The following PLA2G6 variants were observed in gnomAD, a reference collection of about 807,000 sequenced individuals.
PLA2G6 encodes 85/88 kDa calcium-independent phospholipase A2.
Under a neutral mutation model 83.8 loss-of-function variants are expected in PLA2G6, and 62 were observed. The observed-to-expected ratio is 0.74, with a 90% CI of 0.60 to 0.91. The LOEUF (loss-of-function observed/expected upper bound fraction) is 0.91, where lower values mean the gene tolerates loss of function less well. Among genes scored for constraint, PLA2G6 ranks in the 40% least tolerant of loss-of-function variants. The pLI is 0.00. For synonymous variants in PLA2G6, 417 were observed against 449.8 expected (o/e 0.93, Z 0.92); for missense variants, 944 against 1,102.0 (o/e 0.86, Z 2.03).
rs1177587316 is a variant in PLA2G6, at chr22:38,123,255, G to A, written c.1431C>T (p.His477=). 1.3e-6 allele frequency: 2 copies of A among 1,558,310 alleles called. No homozygotes were observed. Among genetic ancestry groups the A allele is most frequent in the African/African-American group, 1.4e-5 (1 of 73,620 alleles). Residue 477 remains histidine, a synonymous_variant, in exon 11 of 17, where the codon CAC becomes CAT. Transcript: ENST00000332509. The surrounding 1 kb of genome is among the most constrained non-coding windows in gnomAD (Gnocchi z 4.1). ...LGSMRDEKRT[H]DHLLCLDGGG... ...CTCCATCCAGGCACAGCAGGTGGTC[G>A]TGGCTGCAGTGGGAACAGCAGTGGG...
Position 38,143,144 on chromosome 22 carries a change from G to T in PLA2G6, c.570C>A (p.Phe190Leu). The stretch of plus-strand genomic sequence containing the variant: ...AATTGTCACCCTGGACAGCATAATG[G>T]AAGACGGTCTCTCCCTTGTAGTCGG... ...DVTDYKGETV[F>L]HYAVQGDNSQ... The change falls in exon 4 of 17, where the codon TTC (phenylalanine) becomes TTA (leucine). Residue 190 changes from phenylalanine to leucine, a missense_variant. Physicochemically the swap from Phe to Leu is conservative, Grantham distance 22. Transcript: ENST00000332509. 6.2e-7 allele frequency: 1 copy of T among 1,614,204 alleles called. No homozygotes were observed. The highest frequency in any genetic ancestry group is 8.5e-7 in the Non-Finnish European group (1 of 1,180,034).
chr22:38,150,255 C>T (rs373186783), intron 2 of PLA2G6: 4 of 152,102 alleles, frequency 2.6e-5, no homozygotes, highest in Admixed American at 6.6e-5. Flanking sequence ...AAAGTGATGC[C>T]GTCCCAGCTT....
chr22:38,180,551 A>G (rs1032689115), intron 1 of PLA2G6: 1 of 152,212 alleles, frequency 6.6e-6, no homozygotes, highest in Non-Finnish European at 1.5e-5. Flanking sequence ...CTGACTCACA[A>G]GAGGTGATGA....
chr22:38,129,577 G>A lies in PLA2G6; in HGVS notation c.1078-15C>T. ...ACGTTGTCTTTCTGTTGGAGATGGA[G>A]AGAGGATAAGACGTGCAACTGCCGG... On this transcript the variant is annotated splice_polypyrimidine_tract_variant and intron_variant, in intron 7 of 16. Coordinates refer to ENST00000332509, the MANE Select transcript of PLA2G6 (RefSeq NM_003560.4). 1.3e-6 allele frequency: 2 copies of A among 1,591,180 alleles called. No individual in the cohort carries two copies. The highest frequency in any genetic ancestry group is 1.1e-5 in the South Asian group (1 of 90,640).
At chr22:38,146,039 A>T (rs1185721729) in intron 2 of PLA2G6, 4 of 226,922 alleles carry the variant, frequency 1.8e-5, no homozygotes, top group South Asian at 5.3e-5. Context: ...TGCCCAGCTA[A>T]TTTTTTTTTT....
intron 2 of PLA2G6, among the ~76,000 whole-genome samples, chr22:38,160,953 C>T (rs932138972): frequency 6.6e-6 from 1 of 152,018 alleles, no homozygotes; most frequent in African/African-American, 2.4e-5. Flanking sequence ...TCTCTAGATT[C>T]GAGTGGTGGT....
chr22:38,131,026 A>C (rs2088180929), intron 7 of PLA2G6: 1 of 152,208 alleles, frequency 6.6e-6, no homozygotes, highest in African/African-American at 2.4e-5. Flanking sequence ...AAAGTAAGCC[A>C]ATTTGAAGAG....
At position 38,170,427 on chromosome 22, in the gene PLA2G6, C is replaced by T. The variant is rs528367638; in HGVS notation, c.-45-956G>A. ...CTCCTTGGAAATGAACGAACTGCACCTTCTGCAGGGGCAGGTGGGGGAGCC... is the reference window on the plus strand; with the variant it reads ...CTCCTTGGAAATGAACGAACTGCACTTTCTGCAGGGGCAGGTGGGGGAGCC... On this transcript the variant is annotated intron_variant, in intron 1 of 16. Coordinates refer to ENST00000332509, the MANE Select transcript of PLA2G6 (RefSeq NM_003560.4). 5.9e-5 allele frequency among the ~76,000 whole-genome samples: 9 copies of T among 152,108 alleles called. No individual in the cohort carries two copies. The South Asian group carries it at 1.9e-3, about 32-fold the overall frequency.
At position 38,171,708 on chromosome 22, in the gene PLA2G6, C is replaced by T. The variant is rs919565069; in HGVS notation, c.-45-2237G>A. On this transcript the variant is annotated intron_variant, in intron 1 of 16. Transcript: ENST00000332509. Reference sequence around the variant, plus strand: ...TGGTGGTGGGCACCTATAATCCCAGCTACTTGGGAGACTGAGGCAGGAGAA... The same window carrying T: ...TGGTGGTGGGCACCTATAATCCCAGTTACTTGGGAGACTGAGGCAGGAGAA... Among the ~76,000 whole-genome samples the T allele has an allele frequency of 2.0e-5, 3 of 151,722 alleles. No homozygotes were observed. The South Asian group carries it at 6.3e-4, about 32-fold the overall frequency.
intron 1 of PLA2G6, among the ~76,000 whole-genome samples, chr22:38,171,891 G>A (rs1323645111): frequency 1.3e-5 from 2 of 152,018 alleles, no homozygotes; most frequent in Non-Finnish European, 1.5e-5. Context: ...CGAACGCCCG[G>A]GTTCAAGCGA....
Position 38,116,182 on chromosome 22 carries a change from C to A in PLA2G6, c.1772G>T (p.Arg591Leu). 5 of 1,613,994 alleles carry A rather than the reference C, an allele frequency of 3.1e-6. No homozygotes were observed. The highest frequency in any genetic ancestry group is 4.2e-6 in the Non-Finnish European group (5 of 1,179,958). ...GAAGAGGTGGAGTTCAGCCGGCTGCCGGTCAGACAGTGTCCCTGTCAGCAT... is the reference window on the plus strand; with the variant it reads ...GAAGAGGTGGAGTTCAGCCGGCTGCAGGTCAGACAGTGTCCCTGTCAGCAT... Reference protein sequence around the residue: ...KVMLTGTLSDRQPAELHLFRN... With the variant: ...KVMLTGTLSDLQPAELHLFRN... Residue 591 changes from arginine (R) to leucine (L), a missense_variant, in exon 13 of 17, where the codon CGG (arginine) becomes CTG (leucine). By Grantham distance (102) the Arg-to-Leu change is moderately radical (BLOSUM62 -2). Coordinates refer to ENST00000332509, the MANE Select transcript of PLA2G6 (RefSeq NM_003560.4).
chr22:38,120,266 C>T (rs1457469420), intron 12 of PLA2G6, among the ~76,000 whole-genome samples: 1 of 152,246 alleles, frequency 6.6e-6, no homozygotes, highest in Non-Finnish European at 1.5e-5. Context: ...AAAGGTAAGA[C>T]TGAAGCCCTC....
chr22:38,115,915 G>A (rs1358506309), intron 13 of PLA2G6, 160 bp downstream of exon 13: 14 of 1,456,954 alleles, frequency 9.6e-6, no homozygotes. Context: ...GGGCCTGACA[G>A]CTCCCCCGCA....
At chr22:38,116,292 C>A in intron 12 of PLA2G6, 81 bp from the exon 13 acceptor site, 1 of 1,506,248 alleles carries the variant, frequency 6.6e-7, no homozygotes, top group East Asian at 2.3e-5. Flanking sequence ...CACCCCAGGG[C>A]CTTGGGTAGC....
intron 1 of PLA2G6, among the ~76,000 whole-genome samples, chr22:38,177,694 C>T (rs1366724733): frequency 6.6e-6 from 1 of 152,126 alleles, no homozygotes; most frequent in East Asian, 1.9e-4. Context: ...GAACTCCTGA[C>T]CTCCGGTGAT....
At position 38,120,882 on chromosome 22, in the gene PLA2G6, A is replaced by G. The variant is rs1352540560; in HGVS notation, c.1619T>C (p.Met540Thr). The part of the protein sequence containing the change: ...HSKSMAYMRG[M>T]YFRMKDEVFR... ...CACCTCATCCTTCATGCGAAAGTAC[A>G]TGCCGCGCATGTAGGCCATGGACTT... The change falls in exon 12 of 17, where the codon ATG (methionine) becomes ACG (threonine). Residue 540 changes from methionine to threonine, a missense_variant. Physicochemically the swap from Met to Thr is moderately conservative, Grantham distance 81. Coordinates refer to ENST00000332509, the MANE Select transcript of PLA2G6 (RefSeq NM_003560.4). The G allele has an allele frequency of 1.9e-6, 3 of 1,613,734 alleles. No individual in the cohort carries two copies. The South Asian group carries it at 3.3e-5, about 18-fold the overall frequency.
intron 4 of PLA2G6, 55 bp from the exon 5 acceptor site, chr22:38,140,224 G>A (rs2088818158): frequency 6.4e-7 from 1 of 1,552,500 alleles, no homozygotes; most frequent in South Asian, 1.1e-5. Context: ...AGAACGTAAA[G>A]AGGCCGGGCG....
At chr22:38,136,385 T>C (rs932992089) in intron 5 of PLA2G6, 3 of 152,128 alleles carry the variant, frequency 2.0e-5, no homozygotes, top group Non-Finnish European at 4.4e-5. Context: ...GGTCGGGAGT[T>C]CGAGACCAGC....
chr22:38,164,988 C>T (rs927818185), intron 2 of PLA2G6, among the ~76,000 whole-genome samples: 7 of 152,074 alleles, frequency 4.6e-5, no homozygotes, highest in African/African-American at 1.7e-4. Context: ...TCGACCCCAC[C>T]CCACCCCATC....
Sources: allele counts gnomAD v4.1 joint callset (sites outside exome capture counted in the v4.1 genomes callset), GRCh38; gene constraint gnomAD v4.1.1; non-coding constraint Gnocchi (gnomAD v3.1); transcripts MANE v1.5; gene names NCBI Gene and HGNC (gene_info 2026-07-23, HGNC 2026-07-21).